The following HAVCR1 variants were observed in gnomAD, a reference collection of about 807,000 sequenced individuals.
HAVCR1 encodes the protein T cell immunoglobin domain and mucin domain protein 1.
Under a neutral mutation model 32.0 loss-of-function variants are expected in HAVCR1, and 34 were observed. The observed-to-expected ratio is 1.06, with a 90% CI of 0.81 to 1.42. HAVCR1 has a LOEUF of 1.42. Among genes scored for constraint, HAVCR1 ranks in the 40% most tolerant of loss-of-function variants. The probability of loss-of-function intolerance (pLI) is 0.00; values close to 1 mark genes in which losing one functional copy is unlikely to be tolerated. For synonymous variants in HAVCR1, 178 were observed against 170.3 expected (o/e 1.05, Z -0.35); for missense variants, 420 against 442.3 (o/e 0.95, Z 0.45).
intron 8 of HAVCR1, among the ~76,000 whole-genome samples, chr5:157,030,315 A>G (rs931403195): frequency 6.6e-6 from 1 of 152,198 alleles, no homozygotes; most frequent in African/African-American, 2.4e-5. Flanking sequence ...GAACAGAGAA[A>G]CATTGAATAT....
chr5:157,063,285 ATT>A (rs70984433), upstream of HAVCR1, among the ~76,000 whole-genome samples: 193 of 131,758 alleles, frequency 1.5e-3, 2 homozygotes, highest in East Asian at 0.016. Flanking sequence ...TGTAACTTAC[ATT>A]TTTTTTTTTT....
At chr5:157,055,075 C>T (rs1428445345) in intron 3 of HAVCR1, 126 bp downstream of exon 3, 6 of 575,856 alleles carry the variant, frequency 1.0e-5, no homozygotes, top group Non-Finnish European at 1.5e-5. Context: ...TTCTATTTCC[C>T]AAGAACAAGA....
intron 8 of HAVCR1, among the ~76,000 whole-genome samples, chr5:157,031,963 C>G (rs748839205): frequency 5.3e-4 from 80 of 152,110 alleles, no homozygotes; most frequent in Admixed American, 8.5e-4. Flanking sequence ...AGGCACTTGC[C>G]CTACCTCAGT....
At chr5:157,059,492 C>A (rs41297577), upstream of HAVCR1, among the ~76,000 whole-genome samples, 1 of 151,724 alleles carries the variant, frequency 6.6e-6, no homozygotes, top group Non-Finnish European at 1.5e-5. Context: ...CTGGCTAACA[C>A]GGTGAAACCC....
At chr5:157,058,032 G>C in intron 1 of HAVCR1, 77 bp from the exon 2 acceptor site, 2 of 1,010,156 alleles carry the variant, frequency 2.0e-6, no homozygotes. Flanking sequence ...ATCTCAGATT[G>C]CAACTTATCT....
At chr5:157,057,556 A>T (rs1756288975) in intron 2 of HAVCR1, among the ~76,000 whole-genome samples, 1 of 152,088 alleles carries the variant, frequency 6.6e-6, no homozygotes. Flanking sequence ...CCCCCATCCC[A>T]CATTACCCAC....
rs1755189783 is a variant in HAVCR1 at position 157,044,586 on chromosome 5, G to GAAAGAAAGA, written c.782-1905_782-1904insTCTTTCTTT. Reference sequence around the variant, plus strand: ...GAGAGAAAGAAAGACAAAGAAAGAAGGAAAGAAAGAAAGAAAGAAAGAAAG... The same window carrying GAAAGAAAGA: ...GAGAGAAAGAAAGACAAAGAAAGAAGAAAGAAAGAGAAAGAAAGAAAGAAAGAAAGAAAG... On this transcript the variant is annotated intron_variant, in intron 5 of 8. Transcript: ENST00000523175. Among the ~76,000 whole-genome samples, 75 of 56,378 alleles carry GAAAGAAAGA rather than the reference G, an allele frequency of 1.3e-3. 3 individuals are homozygous for GAAAGAAAGA. The highest frequency in any genetic ancestry group is 5.2e-3 in the African/African-American group (72 of 13,924). 37.0% of individuals were successfully genotyped at this position (56,378 alleles called of 152,430 possible). A position where few individuals can be genotyped will look rare whatever the true frequency, so the allele number is the denominator to read the frequency against.
intron 7 of HAVCR1, among the ~76,000 whole-genome samples, chr5:157,036,206 T>C (rs978540840): frequency 2.0e-5 from 3 of 151,972 alleles, no homozygotes; most frequent in African/African-American, 4.8e-5. Flanking sequence ...CGGCCGGGCG[T>C]GGTGGCTCAT....
chr5:157,056,385 CTT>C (rs5741954), intron 2 of HAVCR1, among the ~76,000 whole-genome samples: 14 of 141,302 alleles, frequency 9.9e-5, no homozygotes, highest in Admixed American at 2.1e-4. Context: ...AGAATTTCTT[CTT>C]TTTTTTTTTT....
intron 6 of HAVCR1, among the ~76,000 whole-genome samples, chr5:157,040,549 T>C (rs1754827894): frequency 6.6e-6 from 1 of 152,268 alleles, no homozygotes; most frequent in Non-Finnish European, 1.5e-5. Flanking sequence ...ACTTTGATCA[T>C]TTTGAATTTT....
the HAVCR1 span, among the ~76,000 whole-genome samples, chr5:157,064,563 T>C: frequency 1.3e-5 from 2 of 151,838 alleles, no homozygotes; most frequent in East Asian, 3.9e-4. Flanking sequence ...TTCCAGCCAA[T>C]TAAGACAAGG....
chr5:157,033,098 T>G (rs1219117164), intron 7 of HAVCR1, among the ~76,000 whole-genome samples: 2 of 152,188 alleles, frequency 1.3e-5, no homozygotes, highest in African/African-American at 4.8e-5. Context: ...ATTAATGGTT[T>G]GGTGTATTCA....
At chr5:157,034,052 C>A (rs1045100311) in intron 7 of HAVCR1, among the ~76,000 whole-genome samples, 1 of 152,214 alleles carries the variant, frequency 6.6e-6, no homozygotes, top group East Asian at 1.9e-4. Context: ...TCAGGTGGGA[C>A]AAGAGACTGA....
At position 157,052,582 on chromosome 5, in the gene HAVCR1, G is replaced by C. The variant is rs201435508; in HGVS notation, c.452C>G (p.Pro151Arg). ...VTTVRTSTTV[P>R]TTTTVPMTTV... ...CGTCATTGGAACAGTCGTTGTCGTT[G>C]GAACAGTGGTGCTCGTTCGAACAGT... The change falls in exon 4 of 9, where the codon CCA becomes CGA. Residue 151 changes from proline to arginine, a missense_variant. Pro to Arg is a moderately radical substitution (Grantham distance 103). Transcript: ENST00000523175. 1 of 1,611,764 alleles carries C rather than the reference G, an allele frequency of 6.2e-7. No homozygotes were observed.
At chr5:157,049,190 A>G in intron 4 of HAVCR1, 45 bp from the exon 5 acceptor site, 3 of 1,147,566 alleles carry the variant, frequency 2.6e-6, no homozygotes, top group Non-Finnish European at 4.0e-6. Context: ...GTGGAGGAAA[A>G]TGTGCACCCC....
intron 7 of HAVCR1, among the ~76,000 whole-genome samples, chr5:157,036,389 G>A (rs1285717809): frequency 6.6e-6 from 1 of 152,220 alleles, no homozygotes; most frequent in African/African-American, 2.4e-5. Flanking sequence ...TGAGGCAGGA[G>A]AATGGCTTGA....
chr5:157,057,545 G>A (rs189978676), intron 2 of HAVCR1, among the ~76,000 whole-genome samples: 1 of 151,918 alleles, frequency 6.6e-6, no homozygotes, highest in Non-Finnish European at 1.5e-5. Context: ...CCCACCCTCT[G>A]CCCCCATCCC....
rs1755782243 is a variant in HAVCR1, at chr5:157,052,299, C to T, written c.673+62G>A. 4.2e-6 allele frequency: 6 copies of T among 1,418,094 alleles called. No homozygotes were observed. The South Asian group carries it at 6.0e-5, about 14-fold the overall frequency. The allele number at this position is 1,418,094 out of a possible 1,614,324, so 87.8% of individuals were successfully genotyped here. On this transcript the variant is annotated intron_variant, in intron 4 of 8. Transcript: ENST00000523175. ...ACTGTCCTTCTACCTTGATACAATG[C>T]CCTGGATGGTCCGCAGCTCCTCATT... is the stretch of plus-strand genomic sequence containing the variant.
At chr5:157,055,820 G>C (rs576624167) in intron 2 of HAVCR1, among the ~76,000 whole-genome samples, 49 of 151,756 alleles carry the variant, frequency 3.2e-4, no homozygotes, top group African/African-American at 1.2e-3. Context: ...AGCTGAGCTC[G>C]TGCCACTACA....
Sources: allele counts gnomAD v4.1 joint callset (sites outside exome capture counted in the v4.1 genomes callset), GRCh38; gene constraint gnomAD v4.1.1; transcripts MANE v1.5; gene names NCBI Gene and HGNC (gene_info 2026-07-23, HGNC 2026-07-21).